Variants in CPA6 observed in about 807,000 individuals in gnomAD.
CPA6 encodes carboxypeptidase A6, also known as carboxypeptidase B.
A neutral mutation model predicts 63.3 loss-of-function variants in CPA6; 58 were observed. That is an observed-to-expected ratio of 0.92 (90% CI 0.74 to 1.14). The LOEUF (loss-of-function observed/expected upper bound fraction) is 1.14, where lower values mean the gene tolerates loss of function less well. Ranked by LOEUF, CPA6 falls within the 50% of genes most tolerant of loss-of-function variation. The pLI, the probability that CPA6 is intolerant of heterozygous loss-of-function variation, is 0.00. For missense variants in CPA6, 565 were observed against 526.6 expected (o/e 1.07, Z -0.71); for synonymous variants, 185 against 179.0 (o/e 1.03, Z -0.27).
rs776742202 is a variant in CPA6 at position 67,467,158 on chromosome 8, A to C, written c.838+16610T>G. Among the ~76,000 whole-genome samples the C allele has an allele frequency of 2.9e-4, 44 of 152,068 alleles. 1 individual carries two copies. The highest frequency in any genetic ancestry group is 3.9e-4 in the Admixed American group (6 of 15,256). On this transcript the variant is annotated intron_variant, in intron 8 of 10. Coordinates refer to ENST00000297770, the MANE Select transcript of CPA6 (RefSeq NM_020361.5). ...ATCTTTTTCTGTTTCTTTATAATGT[A>C]TTTTCAAAACAGAATGTTTAGAACG...
chr8:67,589,375 A>G (rs1322892525), intron 2 of CPA6, among the ~76,000 whole-genome samples: 1 of 152,238 alleles, frequency 6.6e-6, no homozygotes, highest in African/African-American at 2.4e-5. Context: ...AGAATCTTCC[A>G]AGGCTTATTG....
At chr8:67,601,135 A>G (rs1814487515) in intron 2 of CPA6, among the ~76,000 whole-genome samples, 1 of 152,192 alleles carries the variant, frequency 6.6e-6, no homozygotes. Flanking sequence ...TTATGCCTTT[A>G]TAAATGCCAC....
intron 9 of CPA6, among the ~76,000 whole-genome samples, chr8:67,432,769 T>G (rs1810056286): frequency 6.6e-6 from 1 of 152,182 alleles, no homozygotes; most frequent in African/African-American, 2.4e-5. Flanking sequence ...CAGCCAATTG[T>G]GTATCTTAAA....
At position 67,434,025 on chromosome 8, in the gene CPA6, G is replaced by A. The variant is rs778872244; in HGVS notation, c.1041+13C>T. 9.4e-6 allele frequency: 15 copies of A among 1,592,910 alleles called. No homozygotes were observed. Among genetic ancestry groups the A allele is most frequent in the Middle Eastern group, 2.1e-4 (1 of 4,698 alleles). ...ATGAAGCCTGATGTACATGCACAGGGTCAAATACTTACCACACATCTAAAA... is the reference window on the plus strand; with the variant it reads ...ATGAAGCCTGATGTACATGCACAGGATCAAATACTTACCACACATCTAAAA... On this transcript the variant is annotated intron_variant, in intron 9 of 10. Coordinates refer to ENST00000297770, the MANE Select transcript of CPA6 (RefSeq NM_020361.5).
intron 2 of CPA6, among the ~76,000 whole-genome samples, chr8:67,529,588 T>A (rs1263905470): frequency 6.6e-6 from 1 of 152,158 alleles, no homozygotes; most frequent in African/African-American, 2.4e-5. Context: ...AACAGAGGGA[T>A]TTTTAAGTAG....
chr8:67,657,614 G>A (rs1362605045), intron 1 of CPA6, among the ~76,000 whole-genome samples: 1 of 152,190 alleles, frequency 6.6e-6, no homozygotes, highest in Non-Finnish European at 1.5e-5. Flanking sequence ...CTTGCTTCCT[G>A]ATAGGCCTTC....
intron 1 of CPA6, among the ~76,000 whole-genome samples, chr8:67,730,120 G>C (rs1205891220): frequency 6.6e-6 from 1 of 152,144 alleles, no homozygotes; most frequent in African/African-American, 2.4e-5. Context: ...AGATCTCATA[G>C]GTTAGTGGCC....
At chr8:67,715,594 T>G (rs1817361151) in intron 1 of CPA6, among the ~76,000 whole-genome samples, 1 of 152,228 alleles carries the variant, frequency 6.6e-6, no homozygotes, top group South Asian at 2.1e-4. Context: ...AAACACTCGG[T>G]TATTTCCAAA....
chr8:67,460,258 A>C (rs1176816613), intron 8 of CPA6, among the ~76,000 whole-genome samples: 2 of 152,240 alleles, frequency 1.3e-5, no homozygotes, highest in African/African-American at 4.8e-5. Context: ...TTATTGAATG[A>C]ATCAATCTGC....
chr8:67,579,268 C>G (rs888430073), intron 2 of CPA6, among the ~76,000 whole-genome samples: 2 of 152,086 alleles, frequency 1.3e-5, no homozygotes, highest in Non-Finnish European at 2.9e-5. Flanking sequence ...AAAAAATTAG[C>G]CAGGTGTGGT....
intron 3 of CPA6, 71 bp downstream of exon 3, chr8:67,517,852 C>A: frequency 3.5e-6 from 5 of 1,428,906 alleles, no homozygotes; most frequent in Admixed American, 2.4e-5. Context: ...TGATAAATAA[C>A]CTAAATACAA....
At chr8:67,543,527 G>A (rs1024173793) in intron 2 of CPA6, among the ~76,000 whole-genome samples, 2 of 152,130 alleles carry the variant, frequency 1.3e-5, no homozygotes, top group Non-Finnish European at 2.9e-5. Context: ...CACAAAAATA[G>A]CAATGGGAAG....
At chr8:67,475,863 CTTTCTTTCTTTCTT>C in intron 8 of CPA6, among the ~76,000 whole-genome samples, 1 of 80,764 alleles carries the variant, frequency 1.2e-5, no homozygotes, top group African/African-American at 5.5e-5. Flanking sequence ...TTCTTTCTTT[CTTTCTTTCTTTCTT>C]TCTCCTTTCT....
chr8:67,682,352 A>T (rs954246134), intron 1 of CPA6, among the ~76,000 whole-genome samples: 2 of 152,012 alleles, frequency 1.3e-5, no homozygotes, highest in Non-Finnish European at 2.9e-5. Context: ...CCATTTTTAC[A>T]ACTGTAATTA....
At chr8:67,635,289 G>A (rs1815442886) in intron 1 of CPA6, among the ~76,000 whole-genome samples, 2 of 151,652 alleles carry the variant, frequency 1.3e-5, no homozygotes, top group African/African-American at 2.4e-5. Flanking sequence ...CAACCTTTTT[G>A]TTGTTGCTGC....
intron 2 of CPA6, among the ~76,000 whole-genome samples, chr8:67,563,236 G>C (rs1290958251): frequency 6.6e-6 from 1 of 152,146 alleles, no homozygotes; most frequent in Non-Finnish European, 1.5e-5. Flanking sequence ...GAGAGTAACT[G>C]TTCCTGAGTA....
chr8:67,607,232 T>C (rs927790454), intron 2 of CPA6, among the ~76,000 whole-genome samples: 1 of 125,488 alleles, frequency 8.0e-6, no homozygotes, highest in African/African-American at 3.2e-5. Context: ...CTTCTTCTTC[T>C]TCTTCTTCTT....
chr8:67,486,763 AG>A (rs1236663447), intron 6 of CPA6, among the ~76,000 whole-genome samples: 1 of 152,208 alleles, frequency 6.6e-6, no homozygotes, highest in Non-Finnish European at 1.5e-5. Flanking sequence ...TTAGGCCTAG[AG>A]CAGAAGTTAA....
At position 67,656,862 on chromosome 8, in the gene CPA6, T is replaced by C. The variant is rs1487673036; in HGVS notation, c.117-32611A>G. On this transcript the variant is annotated intron_variant, in intron 1 of 10. Coordinates refer to ENST00000297770, the MANE Select transcript of CPA6 (RefSeq NM_020361.5). The stretch of plus-strand genomic sequence containing the variant: ...AGAGTGCTGGAGCCAAATGGATGTG[T>C]CACTGGGGCTAGGCCTTTGGATCTA... 7.2e-5 allele frequency among the ~76,000 whole-genome samples: 11 copies of C among 152,180 alleles called. No individual in the cohort carries two copies. In the East Asian group the frequency reaches 2.1e-3, roughly 29 times the overall value.
Sources: gnomAD v4.1 joint callset for allele counts (sites outside exome capture counted in the v4.1 genomes callset) on GRCh38, gnomAD v4.1.1 for gene constraint, MANE v1.5 for transcripts, NCBI Gene and HGNC (gene_info 2026-07-23, HGNC 2026-07-21) for gene names.